REV1: variants seen among roughly 807,000 people sequenced by gnomAD.
REV1 encodes the protein translesion synthesis protein REV1.
In REV1, 42 loss-of-function variants were observed where a neutral mutation model predicts 137.4. The observed-to-expected ratio is 0.31, with a 90% CI of 0.24 to 0.40. The LOEUF is 0.40. Ranked by LOEUF, REV1 falls within the 10% of genes least tolerant of loss-of-function variation. The pLI is 1.00. For missense variants in REV1, 1,282 were observed against 1,490.1 expected (o/e 0.86, Z 2.30); for synonymous variants, 524 against 519.2 (o/e 1.01, Z -0.12).
intron 13 of REV1, among the ~76,000 whole-genome samples, chr2:99,411,907 C>T (rs1242332844): frequency 6.6e-6 from 1 of 151,908 alleles, no homozygotes; most frequent in East Asian, 1.9e-4. Context: ...ATTTCAAATC[C>T]TTATGATATG....
At position 99,404,451 on chromosome 2, in the gene REV1, A is replaced by C; in HGVS notation, c.3038T>G (p.Phe1013Cys). 6.2e-7 allele frequency: 1 copy of C among 1,613,688 alleles called. No individual in the cohort carries two copies. Among genetic ancestry groups the C allele is most frequent in the Non-Finnish European group, 8.5e-7 (1 of 1,179,734 alleles). Residue 1013 changes from phenylalanine to cysteine, a missense_variant, in exon 18 of 23, where the codon TTT (phenylalanine) becomes TGT (cysteine). Phe to Cys is a radical substitution (Grantham distance 205). This residue lies in a region of REV1 where 23 missense variants were observed against 46.3 expected (regional missense o/e 0.50). Coordinates refer to ENST00000258428, the MANE Select transcript of REV1 (RefSeq NM_016316.4). Reference protein sequence around the residue: ...AGINLIALPAFSQVDPEVFAA... With the variant: ...AGINLIALPACSQVDPEVFAA... ...TTCCCATATTTAACTTACCTGTGAA[A>C]ATGCTGGAAGGGCTATTAAATTTAT...
At chr2:99,471,713 T>TA (rs1043334747) in intron 1 of REV1, among the ~76,000 whole-genome samples, 3 of 151,656 alleles carry the variant, frequency 2.0e-5, no homozygotes, top group African/African-American at 7.3e-5. Flanking sequence ...ACTGTAATAA[T>TA]AAACACACAA....
chr2:99,412,883 T>C lies in REV1; in HGVS notation c.2020A>G (p.Met674Val). 1 of 1,614,182 alleles carries C rather than the reference T, an allele frequency of 6.2e-7. No homozygotes were observed. Among genetic ancestry groups the C allele is most frequent in the East Asian group, 2.2e-5 (1 of 44,870 alleles). ...TCTTTTTGGAGTTTTGCCATGGTCA[T>C]ATACTGCAAGTCTCCACAAGTTTTA... ...GIKTCGDLQY[M>V]TMAKLQKEFG... Residue 674 changes from methionine (M) to valine (V), a missense_variant, in exon 13 of 23, where the codon ATG (methionine) becomes GTG (valine). Around this residue, in one of 7 missense-constraint regions of REV1, gnomAD observed 372 missense variants for 482.3 expected, o/e 0.77. Coordinates refer to ENST00000258428, the MANE Select transcript of REV1 (RefSeq NM_016316.4).
chr2:99,468,465 T>A (rs529857739), intron 1 of REV1, among the ~76,000 whole-genome samples: 3 of 152,344 alleles, frequency 2.0e-5, no homozygotes, highest in South Asian at 4.1e-4. Flanking sequence ...TTACAATGTG[T>A]CCTCTTGACT....
chr2:99,484,610 T>C (rs554200250), intron 1 of REV1, among the ~76,000 whole-genome samples: 1 of 151,854 alleles, frequency 6.6e-6, no homozygotes, highest in Non-Finnish European at 1.5e-5. Flanking sequence ...GAGAAAAACA[T>C]TAATTACGAT....
chr2:99,429,695 G>A (rs183819245), intron 9 of REV1, 145 bp downstream of exon 9: 542 of 511,302 alleles, frequency 1.1e-3, no homozygotes, highest in African/African-American at 0.01. Context: ...GGTTGTGGGG[G>A]GCATAGATGA....
chr2:99,411,309 C>A (rs756353670), intron 13 of REV1, among the ~76,000 whole-genome samples: 17 of 151,948 alleles, frequency 1.1e-4, no homozygotes, highest in Non-Finnish European at 2.1e-4. Flanking sequence ...ACTACAACAA[C>A]AAAAACTGTT....
At chr2:99,457,322 C>A (rs1341594953) in intron 3 of REV1, among the ~76,000 whole-genome samples, 1 of 152,176 alleles carries the variant, frequency 6.6e-6, no homozygotes, top group Non-Finnish European at 1.5e-5. Flanking sequence ...CCGAACTGAT[C>A]TACAGGTTTA....
At chr2:99,467,632 T>C (rs1684955010) in intron 1 of REV1, among the ~76,000 whole-genome samples, 1 of 152,204 alleles carries the variant, frequency 6.6e-6, no homozygotes. Flanking sequence ...TCCAAGGGTC[T>C]TCCAAGGATA....
intron 6 of REV1, 37 bp downstream of exon 6, chr2:99,438,564 A>T: frequency 6.8e-7 from 1 of 1,476,976 alleles, no homozygotes; most frequent in East Asian, 2.3e-5. Flanking sequence ...ATCAAGCATG[A>T]CTGTTTCTTA....
chr2:99,430,528 T>C (rs1158636042), intron 8 of REV1, among the ~76,000 whole-genome samples: 2 of 152,188 alleles, frequency 1.3e-5, no homozygotes, highest in African/African-American at 4.8e-5. Context: ...TTTGTACACA[T>C]GTCACATTAT....
intron 14 of REV1, among the ~76,000 whole-genome samples, chr2:99,410,038 T>C (rs1676922154): frequency 1.3e-5 from 2 of 152,194 alleles, no homozygotes; most frequent in South Asian, 4.2e-4. Context: ...TGAGACAGAA[T>C]GTTGCTCTGT....
At chr2:99,402,839 C>T (rs368649373) in intron 20 of REV1, 39 bp from the exon 21 acceptor site, 12 of 1,613,236 alleles carry the variant, frequency 7.4e-6, no homozygotes, top group Non-Finnish European at 9.3e-6. Flanking sequence ...TATATTCACA[C>T]ATTATCCAGG....
At chr2:99,489,765 G>A (rs1357021672) in intron 1 of REV1, 52 bp downstream of exon 1, 1 of 149,890 alleles carries the variant, frequency 6.7e-6, no homozygotes, top group Non-Finnish European at 1.5e-5. Flanking sequence ...CGGGCGACGC[G>A]TGTCCGATCC....
rs1466304417 is a variant in REV1 at position 99,462,693 on chromosome 2, T to A, written c.55-71A>T. ...TCCCCCCTTTTTTGAAAAAAAAAAATTTTAAAAACTAAATAAATAAATGGA... is the reference window on the plus strand; with the variant it reads ...TCCCCCCTTTTTTGAAAAAAAAAAAATTTAAAAACTAAATAAATAAATGGA... On this transcript the variant is annotated intron_variant, in intron 2 of 22. Coordinates refer to ENST00000258428, the MANE Select transcript of REV1 (RefSeq NM_016316.4). 1.8e-4 allele frequency: 252 copies of A among 1,370,498 alleles called. No homozygotes were observed. The highest frequency in any genetic ancestry group is 2.3e-4 in the Non-Finnish European group (226 of 988,952). 84.9% of individuals were successfully genotyped at this position (1,370,498 alleles called of 1,614,324 possible).
At position 99,403,038 on chromosome 2, in the gene REV1, T is replaced by G. The variant is rs1317040629; in HGVS notation, c.3235A>C (p.Thr1079Pro). The G allele has an allele frequency of 3.1e-6, 5 of 1,613,718 alleles. No homozygotes were observed. The highest frequency in any genetic ancestry group is 4.2e-6 in the Non-Finnish European group (5 of 1,179,864). ...KEKKRNKKKK[T>P]IGSPKRIQSP... ...TGAATCCTTTTTGGTGAACCAATGG[T>G]TTTTTTCTTCTTGTTTCTTTTCTTT... Residue 1079 changes from threonine (T) to proline (P), a missense_variant, in exon 20 of 23, where the codon ACC (threonine) becomes CCC (proline). Around this residue, in one of 7 missense-constraint regions of REV1, gnomAD observed 170 missense variants for 156.8 expected, o/e 1.08. Coordinates refer to ENST00000258428, the MANE Select transcript of REV1 (RefSeq NM_016316.4).
intron 14 of REV1, among the ~76,000 whole-genome samples, chr2:99,408,642 T>C (rs1231269765): frequency 1.3e-5 from 2 of 152,202 alleles, no homozygotes; most frequent in East Asian, 3.9e-4. Flanking sequence ...TCTTAGATCT[T>C]TAAGAACTCT....
intron 5 of REV1, among the ~76,000 whole-genome samples, chr2:99,439,838 T>C (rs950925993): frequency 1.3e-5 from 2 of 152,224 alleles, no homozygotes; most frequent in Non-Finnish European, 2.9e-5. Flanking sequence ...GAATTCTTAT[T>C]CCTAGTTTTA....
chr2:99,404,766 T>C (rs1223767256), intron 17 of REV1, 89 bp from the exon 18 acceptor site: 8 of 861,466 alleles, frequency 9.3e-6, no homozygotes, highest in Non-Finnish European at 1.5e-5. Context: ...AAATTTCAAT[T>C]TGAATACTGT....
Sources: gnomAD v4.1 joint callset for allele counts (sites outside exome capture counted in the v4.1 genomes callset) on GRCh38, gnomAD v4.1.1 for gene constraint, gnomAD v4.1.1 regional missense constraint, MANE v1.5 for transcripts, NCBI Gene and HGNC (gene_info 2026-07-23, HGNC 2026-07-21) for gene names.